SENP8: variants seen among roughly 807,000 people sequenced by gnomAD.
The protein encoded by SENP8 is SUMO peptidase family member, NEDD8 specific.
SENP8 carries 10 observed loss-of-function variants against 14.4 expected under a neutral mutation model. The ratio of observed to expected loss-of-function variants is 0.69; its 90% confidence interval spans 0.43 to 1.18. The LOEUF (loss-of-function observed/expected upper bound fraction) is 1.18. SENP8 is among the 50% of genes most tolerant of loss of function. The pLI, the probability that SENP8 is intolerant of heterozygous loss-of-function variation, is 0.00. For missense variants in SENP8, 202 were observed against 249.4 expected, an observed-to-expected ratio of 0.81 and a Z score of 1.28; for synonymous variants, 94 against 95.5, an observed-to-expected ratio of 0.98 and a Z score of 0.09.
chr15:72,139,521 A>G (rs762278373), intron 1 of SENP8, 56 bp from the exon 2 acceptor site: 3 of 1,476,328 alleles, frequency 2.0e-6, no homozygotes, highest in Non-Finnish European at 2.7e-6. Context: ...AGTAACTACT[A>G]TTTTCCAGCC....
Position 72,140,083 on chromosome 15 carries a change from G to A in SENP8, c.460G>A (p.Ala154Thr), listed in dbSNP as rs1381234116. 6.2e-7 allele frequency: 1 copy of A among 1,614,038 alleles called. No homozygotes were observed. The highest frequency in any genetic ancestry group is 8.5e-7 in the Non-Finnish European group (1 of 1,180,046). ...GDKLAFVEEK[A>T]PAQQNSYDCG... ...CAAACTGGCCTTTGTGGAAGAGAAA[G>A]CCCCTGCCCAACAAAACAGCTATGA... is the stretch of plus-strand genomic sequence containing the variant. The change falls in exon 2 of 2, where the codon GCC becomes ACC. Residue 154 changes from alanine (A) to threonine (T), a missense_variant. Physicochemically the swap from Ala to Thr is moderately conservative, Grantham distance 58. Transcript: ENST00000340912.
rs2081363578 is a variant in SENP8, at chr15:72,139,869, C to G, written c.246C>G (p.Asn82Lys). The G allele has an allele frequency of 6.2e-7, 1 of 1,614,092 alleles. No individual in the cohort carries two copies. Among genetic ancestry groups the G allele is most frequent in the Admixed American group, 1.7e-5 (1 of 60,008 alleles). ...AMFLEPLDLP[N>K]KRVVFLAIND... Reference sequence around the variant, plus strand: ...TCCTTGAACCACTGGACCTCCCCAACAAGAGAGTTGTATTTTTAGCCATCA... The same window carrying G: ...TCCTTGAACCACTGGACCTCCCCAAGAAGAGAGTTGTATTTTTAGCCATCA... Residue 82 changes from asparagine to lysine, a missense_variant, in exon 2 of 2, where the codon AAC (asparagine) becomes AAG (lysine). Transcript: ENST00000340912.
intron 1 of SENP8, among the ~76,000 whole-genome samples, chr15:72,120,746 T>A (rs2081160564): frequency 1.3e-5 from 2 of 152,264 alleles, no homozygotes; most frequent in African/African-American, 2.4e-5. Context: ...AATTATATAA[T>A]TTCTAAGTAG....
In SENP8 at chr15:72,142,490, T is replaced by C. The variant is rs1423292119; in HGVS notation, c.*2228T>C. Reference sequence around the variant, plus strand: ...CTATTCTGCAAAATTAATCAAAATATTCAAAAGGAAGGCAGGTTTTTCAAA... The same window carrying C: ...CTATTCTGCAAAATTAATCAAAATACTCAAAAGGAAGGCAGGTTTTTCAAA... On this transcript the variant is annotated 3_prime_UTR_variant, in exon 2 of 2. Coordinates refer to ENST00000340912, the MANE Select transcript of SENP8 (RefSeq NM_145204.4). 1 of 152,188 alleles carries C rather than the reference T, an allele frequency of 6.6e-6. No individual in the cohort carries two copies. Among genetic ancestry groups the C allele is most frequent in the East Asian group, 1.9e-4 (1 of 5,198 alleles). 9.4% of individuals were successfully genotyped at this position (152,188 alleles called of 1,614,324 possible). A position where few individuals can be genotyped will look rare whatever the true frequency, so the allele number is the denominator to read the frequency against.
intron 1 of SENP8, among the ~76,000 whole-genome samples, chr15:72,135,712 CTA>C (rs1280895791): frequency 1.3e-5 from 2 of 152,180 alleles, no homozygotes; most frequent in Non-Finnish European, 2.9e-5. Context: ...AACATTTTGT[CTA>C]TGTGCTTGGT....
chr15:72,125,805 T>A (rs938210071), intron 1 of SENP8, among the ~76,000 whole-genome samples: 1 of 151,920 alleles, frequency 6.6e-6, no homozygotes, highest in Non-Finnish European at 1.5e-5. Context: ...CTTTTTTCTT[T>A]TTTATTTATT....
At chr15:72,116,535 C>A (rs901453913), upstream of SENP8, among the ~76,000 whole-genome samples, 1 of 151,970 alleles carries the variant, frequency 6.6e-6, no homozygotes, top group Admixed American at 6.6e-5. Context: ...CAGCACCAGG[C>A]AACAGAAGTT....
intron 1 of SENP8, among the ~76,000 whole-genome samples, chr15:72,121,122 C>T (rs1596640842): frequency 6.6e-6 from 1 of 152,290 alleles, no homozygotes; most frequent in East Asian, 1.9e-4. Context: ...GGGCAGCAAC[C>T]AGTACTATCC....
At chr15:72,115,365 C>A (rs1474802322), upstream of SENP8, among the ~76,000 whole-genome samples, 1 of 152,162 alleles carries the variant, frequency 6.6e-6, no homozygotes, top group Admixed American at 6.6e-5. Flanking sequence ...GTCACCTAAA[C>A]TGAACATGTC....
chr15:72,139,616 A>G lies in SENP8; in HGVS notation c.-8A>G, dbSNP rs1234984693. ...CTGGAATTTCTGAGCAGCCCTCGTC[A>G]GTACAAGATGGACCCCGTAGTCTTG... On this transcript the variant is annotated 5_prime_UTR_variant, in exon 2 of 2. Transcript: ENST00000340912. The G allele has an allele frequency of 2.5e-6, 4 of 1,607,538 alleles. 1 individual carries two copies. The South Asian group carries it at 4.4e-5, about 18-fold the overall frequency.
In SENP8 at chr15:72,141,801, A is replaced by G. The variant is rs541846451; in HGVS notation, c.*1539A>G. The G allele has an allele frequency of 6.6e-6, 1 of 151,896 alleles. No homozygotes were observed. Among genetic ancestry groups the G allele is most frequent in the Non-Finnish European group, 1.5e-5 (1 of 68,038 alleles). 9.4% of individuals were successfully genotyped at this position (151,896 alleles called of 1,614,324 possible). On this transcript the variant is annotated 3_prime_UTR_variant, in exon 2 of 2. Coordinates refer to ENST00000340912, the MANE Select transcript of SENP8 (RefSeq NM_145204.4). The stretch of plus-strand genomic sequence containing the variant: ...GGAAGATGGGGCTAGGAAAAAGATT[A>G]GGAACTGGCAGTCATCCATAGAGGT...
intron 1 of SENP8, among the ~76,000 whole-genome samples, chr15:72,138,760 A>C (rs2140525963): frequency 6.6e-6 from 1 of 151,446 alleles, no homozygotes; most frequent in Non-Finnish European, 1.5e-5. Context: ...CAGGAATTCG[A>C]GACCAGCCTG....
At chr15:72,131,248 C>T (rs1260164946) in intron 1 of SENP8, among the ~76,000 whole-genome samples, 1 of 152,158 alleles carries the variant, frequency 6.6e-6, no homozygotes, top group Admixed American at 6.5e-5. Context: ...TAATATGCTT[C>T]CCTGGCTAGA....
rs1375887050 is a variant in SENP8, at chr15:72,143,295, A to G, written c.*3033A>G. On this transcript the variant is annotated 3_prime_UTR_variant, in exon 2 of 2. Coordinates refer to ENST00000340912, the MANE Select transcript of SENP8 (RefSeq NM_145204.4). ...TCTGTCAGATTCAGTAGTCTCATCTACAAAATAAACCTTGTTTTCCTTCTG... is the reference window on the plus strand; with the variant it reads ...TCTGTCAGATTCAGTAGTCTCATCTGCAAAATAAACCTTGTTTTCCTTCTG... 6.6e-6 allele frequency: 1 copy of G among 152,190 alleles called. No homozygotes were observed. The highest frequency in any genetic ancestry group is 2.4e-5 in the African/African-American group (1 of 41,448). The allele number at this position is 152,190 out of a possible 1,614,324, so 9.4% of individuals were successfully genotyped here.
chr15:72,134,866 G>T, intron 1 of SENP8: 1 of 286,156 alleles, frequency 3.5e-6, no homozygotes, highest in Non-Finnish European at 6.9e-6. Flanking sequence ...TGGCATTGTT[G>T]TAAGCAAACA....
intron 1 of SENP8, among the ~76,000 whole-genome samples, chr15:72,121,341 C>G (rs758106089): frequency 6.6e-6 from 1 of 152,150 alleles, no homozygotes; most frequent in Non-Finnish European, 1.5e-5. Context: ...GATTAGAGTT[C>G]TGTTTGAAAA....
intron 1 of SENP8, among the ~76,000 whole-genome samples, chr15:72,128,105 G>A (rs2081238004): frequency 6.6e-6 from 1 of 151,236 alleles, no homozygotes; most frequent in African/African-American, 2.4e-5. Flanking sequence ...AAAGAGAGAG[G>A]GAAAGGGGAG....
At chr15:72,123,760 G>C (rs1486690795) in intron 1 of SENP8, among the ~76,000 whole-genome samples, 2 of 152,132 alleles carry the variant, frequency 1.3e-5, no homozygotes, top group Non-Finnish European at 2.9e-5. Context: ...GGCTGATCTA[G>C]AACGCCCGAC....
intron 1 of SENP8, among the ~76,000 whole-genome samples, chr15:72,132,438 C>T (rs1359861349): frequency 6.6e-6 from 1 of 152,116 alleles, no homozygotes; most frequent in Non-Finnish European, 1.5e-5. Flanking sequence ...TCTGACTTCC[C>T]TTTAAAAATA....
Sources: allele counts gnomAD v4.1 joint callset (sites outside exome capture counted in the v4.1 genomes callset), GRCh38; gene constraint gnomAD v4.1.1; transcripts MANE v1.5; gene names NCBI Gene and HGNC (gene_info 2026-07-23, HGNC 2026-07-21).